ERMP1: variants seen among roughly 807,000 people sequenced by gnomAD.
ERMP1 encodes the protein Felix-ina.
In ERMP1, 86 loss-of-function variants were observed where a neutral mutation model predicts 92.0. The ratio of observed to expected loss-of-function variants is 0.93; its 90% confidence interval spans 0.79 to 1.12. The LOEUF is 1.12. Ranked by LOEUF, ERMP1 falls within the 50% of genes most tolerant of loss-of-function variation. The pLI is 0.00. For synonymous variants in ERMP1, 530 were observed against 412.8 expected (o/e 1.28, Z -3.44); for missense variants, 1,342 against 1,116.3 (o/e 1.20, Z -2.88).
intron 6 of ERMP1, among the ~76,000 whole-genome samples, chr9:5,854,206 T>G (rs1830344058): frequency 6.6e-6 from 1 of 152,034 alleles, no homozygotes; most frequent in Non-Finnish European, 1.5e-5. Flanking sequence ...CATATCTGTA[T>G]CTAGGTGCTA....
Position 5,810,174 on chromosome 9 carries a change from A to C in ERMP1, c.1385T>G (p.Phe462Cys), listed in dbSNP as rs1308655957. The change falls in exon 8 of 15, where the codon TTC (phenylalanine) becomes TGC (cysteine). Residue 462 changes from phenylalanine to cysteine, a missense_variant. Transcript: ENST00000339450. The part of the protein sequence containing the change: ...CGLGITLISW[F>C]TSLVTVLIIA... ...AATGAGAACGGTAACAAGGCTAGTGAACCAGCTGATCAAAGTGATGCCAAG... is the reference window on the plus strand; with the variant it reads ...AATGAGAACGGTAACAAGGCTAGTGCACCAGCTGATCAAAGTGATGCCAAG... 1.9e-6 allele frequency: 3 copies of C among 1,614,026 alleles called. No individual in the cohort carries two copies. The highest frequency in any genetic ancestry group is 1.3e-5 in the African/African-American group (1 of 74,948).
intron 11 of ERMP1, among the ~76,000 whole-genome samples, chr9:5,800,564 T>C (rs777340101): frequency 6.6e-6 from 1 of 152,080 alleles, no homozygotes; most frequent in Non-Finnish European, 1.5e-5. Context: ...TAATACCAGC[T>C]ACTTGGGAGT....
In ERMP1 at chr9:5,812,987, T is replaced by G. The variant is rs1231388260; in HGVS notation, c.923A>C (p.His308Pro). 6.2e-7 allele frequency: 1 copy of G among 1,613,964 alleles called. No homozygotes were observed. The highest frequency in any genetic ancestry group is 8.5e-7 in the Non-Finnish European group (1 of 1,179,892). The change falls in exon 5 of 15, where the codon CAC becomes CCC. Residue 308 changes from histidine to proline, a missense_variant. His to Pro is a moderately conservative substitution (Grantham distance 77). Coordinates refer to ENST00000339450, the MANE Select transcript of ERMP1 (RefSeq NM_024896.3). ...LVQAYVSAAK[H>P]PFASVVAQEV... Reference sequence around the variant, plus strand: ...CTGAGCCACCACAGAAGCAAAAGGGTGTTTAGCTGCTGAAACATAAGCTTG... The same window carrying G: ...CTGAGCCACCACAGAAGCAAAAGGGGGTTTAGCTGCTGAAACATAAGCTTG...
intron 12 of ERMP1, among the ~76,000 whole-genome samples, chr9:5,798,539 T>G (rs901124225): frequency 7.9e-5 from 12 of 152,080 alleles, no homozygotes; most frequent in Admixed American, 3.3e-4. Context: ...TAGATGCTTA[T>G]TGGCTATTAT....
chr9:5,828,894 G>A (rs1405645730), intron 2 of ERMP1, among the ~76,000 whole-genome samples: 2 of 151,964 alleles, frequency 1.3e-5, no homozygotes, highest in African/African-American at 2.4e-5. Context: ...CAGAATTTAA[G>A]CATCATAATA....
chr9:5,793,800 A>G, intron 13 of ERMP1, among the ~76,000 whole-genome samples: 1 of 152,128 alleles, frequency 6.6e-6, no homozygotes, highest in East Asian at 1.9e-4. Context: ...TAGTTGGCAA[A>G]CTCATACAAC....
intron 6 of ERMP1, among the ~76,000 whole-genome samples, chr9:5,846,632 C>T (rs1830237892): frequency 6.6e-6 from 1 of 152,170 alleles, no homozygotes; most frequent in African/African-American, 2.4e-5. Context: ...ATTGGGCAAG[C>T]ACTTACTCCC....
chr9:5,852,594 C>T (rs922704937), intron 6 of ERMP1, among the ~76,000 whole-genome samples: 6 of 150,434 alleles, frequency 4.0e-5, no homozygotes, highest in Non-Finnish European at 7.4e-5. Context: ...ATACTGGAAT[C>T]TTTGGTTACT....
intron 6 of ERMP1, among the ~76,000 whole-genome samples, chr9:5,853,258 G>T (rs986280519): frequency 7.9e-5 from 12 of 152,206 alleles, no homozygotes; most frequent in African/African-American, 2.7e-4. Context: ...TTTATGTCCT[G>T]CTTCTAGGCA....
At chr9:5,793,344 A>G (rs1317251611) in intron 13 of ERMP1, among the ~76,000 whole-genome samples, 1 of 152,158 alleles carries the variant, frequency 6.6e-6, no homozygotes, top group Admixed American at 6.5e-5. Flanking sequence ...ATGTCCAATT[A>G]AAACTACTAA....
chr9:5,805,874 G>T (rs1319469425), intron 8 of ERMP1, 89 bp from the exon 9 acceptor site: 3 of 1,025,290 alleles, frequency 2.9e-6, no homozygotes. Context: ...CATCACTCAG[G>T]AAAGCTACAT....
intron 13 of ERMP1, among the ~76,000 whole-genome samples, chr9:5,796,881 G>A (rs765461307): frequency 2.0e-5 from 3 of 152,052 alleles, no homozygotes; most frequent in South Asian, 2.1e-4. Flanking sequence ...AACAGGCTTC[G>A]ATTAATAATA....
intron 6 of ERMP1, among the ~76,000 whole-genome samples, chr9:5,843,909 G>A (rs569116069): frequency 1.3e-5 from 2 of 152,246 alleles, no homozygotes; most frequent in East Asian, 3.9e-4. Context: ...GTGTGTCCTG[G>A]GGGGAGGAAG....
chr9:5,793,850 T>G (rs1218250026), intron 13 of ERMP1, among the ~76,000 whole-genome samples: 1 of 152,070 alleles, frequency 6.6e-6, no homozygotes, highest in Non-Finnish European at 1.5e-5. Flanking sequence ...GTCAGAGACT[T>G]CAACACCCCT....
intron 6 of ERMP1, among the ~76,000 whole-genome samples, chr9:5,857,865 A>G (rs1830399710): frequency 6.6e-6 from 1 of 152,202 alleles, no homozygotes; most frequent in African/African-American, 2.4e-5. Context: ...GGTGTCTAGT[A>G]GAGGCTTAAA....
chr9:5,802,743 G>A (rs2797514), intron 10 of ERMP1, among the ~76,000 whole-genome samples: 4,594 of 152,230 alleles, frequency 0.03, 217 homozygotes, highest in African/African-American at 0.1. Context: ...ATGGTTATAC[G>A]TATACTGATT....
chr9:5,856,710 G>A (rs1830377819), intron 6 of ERMP1, among the ~76,000 whole-genome samples: 1 of 152,174 alleles, frequency 6.6e-6, no homozygotes, highest in African/African-American at 2.4e-5. Context: ...ACAGGGTCAG[G>A]TCTGGCGAGT....
At chr9:5,808,894 T>C (rs896210206) in intron 8 of ERMP1, among the ~76,000 whole-genome samples, 1 of 151,894 alleles carries the variant, frequency 6.6e-6, no homozygotes, top group East Asian at 1.9e-4. Context: ...CACACCACCA[T>C]GCCTGGCTAA....
intron 6 of ERMP1, among the ~76,000 whole-genome samples, chr9:5,838,960 A>C (rs1350734829): frequency 6.6e-6 from 1 of 152,220 alleles, no homozygotes; most frequent in Non-Finnish European, 1.5e-5. Context: ...CCATGAGTTC[A>C]GTGTTCCCTT....
Sources: allele counts gnomAD v4.1 joint callset (sites outside exome capture counted in the v4.1 genomes callset), GRCh38; gene constraint gnomAD v4.1.1; transcripts MANE v1.5; gene names NCBI Gene and HGNC (gene_info 2026-07-23, HGNC 2026-07-21).